CCT3: variants seen among roughly 807,000 people sequenced by gnomAD.
The protein encoded by CCT3 is chaperonin containing TCP1 subunit 3, also known as T-complex protein 1 subunit gamma.
Under a neutral mutation model 65.3 loss-of-function variants are expected in CCT3, and 10 were observed. That is an observed-to-expected ratio of 0.15 (90% confidence interval 0.09 to 0.26). The LOEUF is 0.26. CCT3 is among the 10% of genes least tolerant of loss of function. The pLI is 1.00. For missense variants in CCT3, 626 were observed against 708.7 expected (o/e 0.88, Z 1.33); for synonymous variants, 225 against 242.3 (o/e 0.93, Z 0.66).
intron 8 of CCT3, 71 bp downstream of exon 8, chr1:156,318,797 T>A: frequency 6.7e-7 from 1 of 1,501,336 alleles, no homozygotes; most frequent in South Asian, 1.2e-5. Flanking sequence ...AAACATACGT[T>A]TTATTTCTGT....
intron 5 of CCT3, among the ~76,000 whole-genome samples, chr1:156,329,453 G>T (rs548211652): frequency 2.1e-4 from 32 of 151,764 alleles, no homozygotes; most frequent in African/African-American, 7.5e-4. Flanking sequence ...CTACAGGCAC[G>T]CGCCACCATG....
At chr1:156,335,459 C>T (rs760167629) in intron 2 of CCT3, 1 of 215,532 alleles carries the variant, frequency 4.6e-6, no homozygotes, top group Non-Finnish European at 9.1e-6. Flanking sequence ...CTATTTCATT[C>T]AAAAGACATT....
In CCT3 at chr1:156,309,258, T is replaced by C; in HGVS notation, c.1579A>G (p.Lys527Glu). 1 of 1,614,170 alleles carries C rather than the reference T, an allele frequency of 6.2e-7. No individual in the cohort carries two copies. Among genetic ancestry groups the C allele is most frequent in the Non-Finnish European group, 8.5e-7 (1 of 1,180,012 alleles). Residue 527 changes from lysine (K) to glutamate (E), a missense_variant, in exon 14 of 14, where the codon AAA (lysine) becomes GAA (glutamate). Physicochemically the swap from Lys to Glu is moderately conservative, Grantham distance 56. Transcript: ENST00000295688. ...LRIDDIVSGH[K>E]KKGDDQSRQG... Reference sequence around the variant, plus strand: ...CGGCTCTGGTCATCGCCTTTCTTTTTGTGGCCTGAAACGATGTCATCAATT... The same window carrying C: ...CGGCTCTGGTCATCGCCTTTCTTTTCGTGGCCTGAAACGATGTCATCAATT...
chr1:156,309,240 G>A lies in CCT3; in HGVS notation c.1597C>T (p.Gln533Ter). 1.9e-6 allele frequency: 3 copies of A among 1,613,980 alleles called. No individual in the cohort carries two copies. In the South Asian group the frequency reaches 3.3e-5, roughly 18 times the overall value. The change falls in exon 14 of 14, where the codon CAG becomes TAG. Residue 533 changes from glutamine to a stop codon, truncating the protein, a stop_gained. Transcript: ENST00000295688. LOFTEE classifies it high-confidence loss of function. ...TCAGGAGCCCCGCCTTGCCGGCTCT[G>A]GTCATCGCCTTTCTTTTTGTGGCCT... The part of the protein sequence containing the change: ...VSGHKKKGDD[Q>*]SRQGGAPDAG...
At chr1:156,328,028 CGGGAGGGAG>C (rs1664914218) in intron 5 of CCT3, among the ~76,000 whole-genome samples, 1 of 19,910 alleles carries the variant, frequency 5.0e-5, no homozygotes, top group Admixed American at 6.6e-4. Context: ...CCACCCCGTC[CGGGAGGGAG>C]GTGGGGGTCC....
intron 10 of CCT3, among the ~76,000 whole-genome samples, chr1:156,316,477 T>C (rs1365378253): frequency 6.6e-6 from 1 of 152,268 alleles, no homozygotes; most frequent in Non-Finnish European, 1.5e-5. Flanking sequence ...TGCATGTTAA[T>C]ACCCTTTGGG....
rs1253246286 is a variant in CCT3 at position 156,310,953 on chromosome 1, A to C, written c.1398T>G (p.Leu466=). ...GASTIRLLTS[L]RAKHTQENCE... Reference sequence around the variant, plus strand: ...AAAAGCTTGGAGAGGAACTCACCCGAAGGGAGGTAAGTAGACGGATGGTGC... The same window carrying C: ...AAAAGCTTGGAGAGGAACTCACCCGCAGGGAGGTAAGTAGACGGATGGTGC... Residue 466 remains leucine (L), a synonymous_variant, in exon 12 of 14, where the codon CTT becomes CTG. Coordinates refer to ENST00000295688, the MANE Select transcript of CCT3 (RefSeq NM_005998.5). 1 of 1,613,666 alleles carries C rather than the reference A, an allele frequency of 6.2e-7. No homozygotes were observed. Among genetic ancestry groups the C allele is most frequent in the East Asian group, 2.2e-5 (1 of 44,876 alleles).
chr1:156,335,569 C>A, intron 2 of CCT3: 1 of 413,928 alleles, frequency 2.4e-6, no homozygotes, highest in Non-Finnish European at 4.3e-6. Context: ...GAGACAAACA[C>A]AAATAGAATA....
At chr1:156,337,020 G>A (rs1230239009) in intron 1 of CCT3, 3 of 1,215,554 alleles carry the variant, frequency 2.5e-6, no homozygotes, top group Admixed American at 2.5e-5. Flanking sequence ...AGGGAGGGGA[G>A]ATGGCTAGCC....
At chr1:156,325,863 G>GT (rs1401456140) in intron 5 of CCT3, among the ~76,000 whole-genome samples, 1 of 151,982 alleles carries the variant, frequency 6.6e-6, no homozygotes, top group Non-Finnish European at 1.5e-5. Flanking sequence ...GATTACAGGC[G>GT]TAAGCTACCA....
chr1:156,317,820 T>A (rs1664372288), intron 8 of CCT3, among the ~76,000 whole-genome samples: 1 of 151,774 alleles, frequency 6.6e-6, no homozygotes. Context: ...GCGATTCTCC[T>A]GCCTCAGCCT....
intron 7 of CCT3, among the ~76,000 whole-genome samples, chr1:156,320,316 G>T (rs1400242513): frequency 6.6e-6 from 1 of 152,180 alleles, no homozygotes. Flanking sequence ...GGCTGAGGCA[G>T]GAGATCACTC....
At chr1:156,320,751 C>T (rs1317422791) in intron 7 of CCT3, 88 bp downstream of exon 7, 19 of 994,988 alleles carry the variant, frequency 1.9e-5, no homozygotes, top group South Asian at 3.1e-5. Flanking sequence ...AACAAAACAA[C>T]GGCATGAAAA....
At chr1:156,333,694 T>A in intron 4 of CCT3, 51 bp from the exon 5 acceptor site, 1 of 1,384,426 alleles carries the variant, frequency 7.2e-7, no homozygotes, top group Non-Finnish European at 1.0e-6. Context: ...ACCTCTGAAC[T>A]CATGAAGCTT....
chr1:156,310,819 G>A, intron 12 of CCT3, 130 bp from the exon 13 acceptor site: 2 of 1,449,712 alleles, frequency 1.4e-6, no homozygotes, highest in South Asian at 2.6e-5. Context: ...ACAAGTCAAA[G>A]ACTAAAAGGA....
intron 5 of CCT3, among the ~76,000 whole-genome samples, chr1:156,328,198 T>TG (rs565845931): frequency 0.29 from 28,674 of 98,374 alleles, 4,781 homozygotes; most frequent in Middle Eastern, 0.33. Flanking sequence ...GGGAGGGAGG[T>TG]GGGGGGGGTC....
intron 5 of CCT3, among the ~76,000 whole-genome samples, chr1:156,327,241 G>A (rs1251171871): frequency 2.0e-5 from 3 of 152,192 alleles, no homozygotes; most frequent in African/African-American, 7.2e-5. Flanking sequence ...GGTAAAATAA[G>A]CTTTTAAAAA....
chr1:156,317,610 T>C (rs1664361961), intron 8 of CCT3, 63 bp from the exon 9 acceptor site: 1 of 1,504,174 alleles, frequency 6.6e-7, no homozygotes, highest in East Asian at 2.3e-5. Flanking sequence ...CTAAGGGTCA[T>C]ATTATACTCC....
intron 13 of CCT3, 137 bp from the exon 14 acceptor site, chr1:156,309,440 T>C (rs918946584): frequency 1.3e-5 from 8 of 631,210 alleles, no homozygotes; most frequent in Admixed American, 8.0e-5. Context: ...TTTTATTTTT[T>C]TTTGAGACGC....
Sources: gnomAD v4.1 joint callset for allele counts (sites outside exome capture counted in the v4.1 genomes callset) on GRCh38, gnomAD v4.1.1 for gene constraint, MANE v1.5 for transcripts, NCBI Gene and HGNC (gene_info 2026-07-23, HGNC 2026-07-21) for gene names.